HELQ: variants seen among roughly 807,000 people sequenced by gnomAD.
HELQ encodes helicase POLQ-like.
Under a neutral mutation model 111.6 loss-of-function variants are expected in HELQ, and 77 were observed. The ratio of observed to expected loss-of-function variants is 0.69; its 90% CI spans 0.57 to 0.83. The LOEUF is 0.83. Among genes scored for constraint, HELQ ranks in the 40% least tolerant of loss-of-function variants. HELQ has a pLI of 0.00. For missense variants in HELQ, 1,200 were observed against 1,288.5 expected (o/e 0.93, Z 1.05); for synonymous variants, 438 against 454.7 (o/e 0.96, Z 0.47).
intron 2 of HELQ, among the ~76,000 whole-genome samples, chr4:83,452,082 A>T (rs1394990540): frequency 1.3e-5 from 2 of 152,230 alleles, no homozygotes; most frequent in African/African-American, 2.4e-5. Context: ...AATATATGCA[A>T]GGACCCTGGA....
At chr4:83,454,459 T>A (rs937716294) in intron 1 of HELQ, among the ~76,000 whole-genome samples, 7 of 152,010 alleles carry the variant, frequency 4.6e-5, no homozygotes, top group African/African-American at 1.7e-4. Context: ...GCACAGTGGC[T>A]CCAGCCACTG....
At chr4:83,408,835 C>G (rs1578057909) in intron 17 of HELQ, among the ~76,000 whole-genome samples, 1 of 151,512 alleles carries the variant, frequency 6.6e-6, no homozygotes, top group South Asian at 2.1e-4. Flanking sequence ...AGATCACCTC[C>G]AGAGAGAAAA....
intron 5 of HELQ, among the ~76,000 whole-genome samples, chr4:83,445,276 C>T (rs1720991585): frequency 1.3e-5 from 2 of 152,180 alleles, no homozygotes; most frequent in South Asian, 4.1e-4. Context: ...CTATTTTATT[C>T]ACTGCTGTAT....
intron 13 of HELQ, among the ~76,000 whole-genome samples, chr4:83,426,741 C>A (rs1719873169): frequency 6.6e-6 from 1 of 151,976 alleles, no homozygotes; most frequent in Admixed American, 6.6e-5. Context: ...TTTCTGTATT[C>A]TTTTAGAAGA....
At chr4:83,408,071 T>C (rs1382693359) in intron 17 of HELQ, among the ~76,000 whole-genome samples, 1 of 152,118 alleles carries the variant, frequency 6.6e-6, no homozygotes, top group African/African-American at 2.4e-5. Flanking sequence ...AAACATGGCA[T>C]ATGAAAGATG....
At chr4:83,433,325 T>C (rs1244321958) in intron 9 of HELQ, among the ~76,000 whole-genome samples, 1 of 152,178 alleles carries the variant, frequency 6.6e-6, no homozygotes, top group Admixed American at 6.5e-5. Context: ...TTAAAAATCC[T>C]AATTAGCATT....
chr4:83,415,711 C>T (rs1209200893), intron 17 of HELQ, among the ~76,000 whole-genome samples: 1 of 151,866 alleles, frequency 6.6e-6, no homozygotes, highest in African/African-American at 2.4e-5. Flanking sequence ...TGGCTCACTA[C>T]AACCTCCACC....
chr4:83,448,305 A>T (rs759644835), intron 3 of HELQ, among the ~76,000 whole-genome samples: 6 of 152,376 alleles, frequency 3.9e-5, no homozygotes, highest in South Asian at 2.1e-4. Flanking sequence ...ACTGGTAATT[A>T]GTATTTGAAG....
intron 11 of HELQ, among the ~76,000 whole-genome samples, chr4:83,431,329 T>C (rs967318224): frequency 2.6e-5 from 4 of 151,780 alleles, no homozygotes; most frequent in South Asian, 4.1e-4. Flanking sequence ...GATTCAGTGA[T>C]CTTTTTTTTT....
In HELQ at chr4:83,416,691, C is replaced by T. The variant is rs377522283; in HGVS notation, c.3198+40G>A. On this transcript the variant is annotated intron_variant, in intron 17 of 17. Coordinates refer to ENST00000295488, the MANE Select transcript of HELQ (RefSeq NM_133636.5). ...TCTATAATACAAGGAAATAACACTA[C>T]GCAAGATTATTAAGGTTAAAAAATG... 2.4e-5 allele frequency: 38 copies of T among 1,598,360 alleles called. No homozygotes were observed. The Middle Eastern group carries it at 6.7e-4, about 28-fold the overall frequency.
chr4:83,445,019 T>C (rs769477005), intron 5 of HELQ, among the ~76,000 whole-genome samples: 29 of 152,094 alleles, frequency 1.9e-4, no homozygotes, highest in Non-Finnish European at 3.2e-4. Flanking sequence ...AAAGACTTAG[T>C]GGTAATGAGG....
chr4:83,447,272 A>G (rs1257636154), intron 3 of HELQ, among the ~76,000 whole-genome samples: 1 of 152,172 alleles, frequency 6.6e-6, no homozygotes, highest in Non-Finnish European at 1.5e-5. Flanking sequence ...GCCTGAGTCC[A>G]GAGAATTGAG....
At chr4:83,454,982 C>G (rs1467366147) in intron 1 of HELQ, among the ~76,000 whole-genome samples, 1 of 152,152 alleles carries the variant, frequency 6.6e-6, no homozygotes, top group Non-Finnish European at 1.5e-5. Context: ...AACCTGGAGG[C>G]AGCAATATAG....
intron 9 of HELQ, among the ~76,000 whole-genome samples, chr4:83,436,319 ACACT>A (rs1720457939): frequency 6.6e-6 from 1 of 152,174 alleles, no homozygotes; most frequent in South Asian, 2.1e-4. Context: ...ATTTTTTTAA[ACACT>A]CATGGAAAGT....
rs1364925536 is a variant in HELQ, at chr4:83,437,053, T to G, written c.1853A>C (p.Lys618Thr). ...GCCATTGCCAATATTCTTCAAGTTCTTAATCACCTCACATTTTTCTTTCTC... is the reference window on the plus strand; with the variant it reads ...GCCATTGCCAATATTCTTCAAGTTCGTAATCACCTCACATTTTTCTTTCTC... ...HKEKEKCEVI[K>T]NLKNIGNGNL... The change falls in exon 9 of 18, where the codon AAG (lysine) becomes ACG (threonine). Residue 618 changes from lysine (K) to threonine (T), a missense_variant. Lys to Thr is a moderately conservative substitution (Grantham distance 78, BLOSUM62 -1). Around this residue, in one of 3 missense-constraint regions of HELQ, gnomAD observed 585 missense variants for 665.3 expected, o/e 0.88. Coordinates refer to ENST00000295488, the MANE Select transcript of HELQ (RefSeq NM_133636.5). 1 of 1,613,756 alleles carries G rather than the reference T, an allele frequency of 6.2e-7. No individual in the cohort carries two copies.
At chr4:83,424,697 A>T (rs1008292077) in intron 14 of HELQ, among the ~76,000 whole-genome samples, 1 of 152,104 alleles carries the variant, frequency 6.6e-6, no homozygotes, top group South Asian at 2.1e-4. Flanking sequence ...AGCTGGGATT[A>T]CAGGTGCCCA....
intron 8 of HELQ, among the ~76,000 whole-genome samples, chr4:83,437,528 T>G (rs1310480965): frequency 6.6e-6 from 1 of 150,384 alleles, no homozygotes; most frequent in Non-Finnish European, 1.5e-5. Flanking sequence ...GGTGGGATGA[T>G]TGCTTGAACC....
rs368636628 is a variant in HELQ, at chr4:83,413,388, T to C, written c.3198+3343A>G. On this transcript the variant is annotated intron_variant, in intron 17 of 17. Coordinates refer to ENST00000295488, the MANE Select transcript of HELQ (RefSeq NM_133636.5). ...CACATTTGGTCACAGAAATCTTCTG[T>C]CTGTGTTGTGTTTGTTGAGTGTTGA... 7.9e-5 allele frequency among the ~76,000 whole-genome samples: 12 copies of C among 152,146 alleles called. No homozygotes were observed. The East Asian group carries it at 9.6e-4, about 12-fold the overall frequency.
chr4:83,425,353 A>G (rs1407247719), intron 14 of HELQ, among the ~76,000 whole-genome samples: 2 of 151,300 alleles, frequency 1.3e-5, no homozygotes, highest in South Asian at 4.1e-4. Flanking sequence ...ATTGCCAAAT[A>G]AAATTTAAAA....
Sources: gnomAD v4.1 joint callset for allele counts (sites outside exome capture counted in the v4.1 genomes callset) on GRCh38, gnomAD v4.1.1 for gene constraint, gnomAD v4.1.1 regional missense constraint, MANE v1.5 for transcripts, NCBI Gene and HGNC (gene_info 2026-07-23, HGNC 2026-07-21) for gene names.